The following SLC35F4 variants were observed in gnomAD, a reference collection of about 807,000 sequenced individuals.
SLC35F4 encodes the protein solute carrier family 35 member F4.
In SLC35F4, 24 loss-of-function variants were observed where a neutral mutation model predicts 44.2. That is an observed-to-expected ratio of 0.54 (90% CI 0.39 to 0.76). The LOEUF is 0.76. SLC35F4 is among the 30% of genes least tolerant of loss of function. The pLI, the probability that SLC35F4 is intolerant of heterozygous loss-of-function variation, is 0.00. For synonymous variants in SLC35F4, 238 were observed against 223.6 expected (o/e 1.06, Z -0.57); for missense variants, 562 against 586.1 (o/e 0.96, Z 0.42).
chr14:57,768,668 T>C (rs1341643616), intron 1 of SLC35F4, among the ~76,000 whole-genome samples: 1 of 152,190 alleles, frequency 6.6e-6, no homozygotes, highest in East Asian at 1.9e-4. Flanking sequence ...ACATAAATTA[T>C]ATATGGAATG....
At chr14:57,651,160 G>T (rs1594708782) in intron 1 of SLC35F4, among the ~76,000 whole-genome samples, 1 of 152,148 alleles carries the variant, frequency 6.6e-6, no homozygotes, top group Non-Finnish European at 1.5e-5. Flanking sequence ...TGTCAGTCTT[G>T]TTCACTACTA....
At chr14:57,728,852 T>G (rs1490262953) in intron 1 of SLC35F4, among the ~76,000 whole-genome samples, 1 of 152,218 alleles carries the variant, frequency 6.6e-6, no homozygotes, top group African/African-American at 2.4e-5. Flanking sequence ...AGGTCTGGTG[T>G]TGATAAAATC....
intron 1 of SLC35F4, among the ~76,000 whole-genome samples, chr14:57,916,498 C>T (rs1449162335): frequency 1.3e-5 from 2 of 152,130 alleles, no homozygotes; most frequent in South Asian, 2.1e-4. Context: ...TCTGAGCTTC[C>T]TGGATCTGTA....
intron 1 of SLC35F4, among the ~76,000 whole-genome samples, chr14:57,782,550 T>A (rs1295057178): frequency 6.6e-6 from 1 of 152,184 alleles, no homozygotes; most frequent in Non-Finnish European, 1.5e-5. Context: ...GTTAAGAGCA[T>A]GTAAATAAAG....
intron 1 of SLC35F4, among the ~76,000 whole-genome samples, chr14:57,802,989 A>T (rs1341598610): frequency 1.1e-5 from 1 of 90,804 alleles, no homozygotes. Context: ...AGATACCAAA[A>T]AAAAAAAAAA....
chr14:57,617,417 ACC>A (rs2071906654), intron 1 of SLC35F4, among the ~76,000 whole-genome samples: 1 of 152,068 alleles, frequency 6.6e-6, no homozygotes, highest in South Asian at 2.1e-4. Flanking sequence ...AGCATGAGCC[ACC>A]GCGCCTGGCC....
At chr14:57,925,763 C>T (rs1010231834) in intron 1 of SLC35F4, among the ~76,000 whole-genome samples, 1 of 151,800 alleles carries the variant, frequency 6.6e-6, no homozygotes, top group Non-Finnish European at 1.5e-5. Flanking sequence ...ACACTTACAT[C>T]CAAATTTAAA....
At chr14:57,606,052 A>C (rs1240298396) in intron 1 of SLC35F4, among the ~76,000 whole-genome samples, 1 of 152,084 alleles carries the variant, frequency 6.6e-6, no homozygotes, top group African/African-American at 2.4e-5. Context: ...TGTTCTTCAA[A>C]CCTCAGCATC....
At chr14:57,926,390 A>G (rs1889569288) in intron 1 of SLC35F4, among the ~76,000 whole-genome samples, 1 of 152,134 alleles carries the variant, frequency 6.6e-6, no homozygotes, top group Non-Finnish European at 1.5e-5. Context: ...TGTCACATGG[A>G]ACTTCTTTTT....
At chr14:57,774,800 C>T (rs2077448537) in intron 1 of SLC35F4, among the ~76,000 whole-genome samples, 1 of 152,238 alleles carries the variant, frequency 6.6e-6, no homozygotes, top group East Asian at 1.9e-4. Context: ...TGCCTGCAAG[C>T]ACTTGCCCAG....
intron 1 of SLC35F4, among the ~76,000 whole-genome samples, chr14:57,906,462 T>G (rs113957936): frequency 6.6e-6 from 1 of 152,246 alleles, no homozygotes; most frequent in African/African-American, 2.4e-5. Flanking sequence ...ATGACTTATT[T>G]AACCAGTGCC....
intron 1 of SLC35F4, among the ~76,000 whole-genome samples, chr14:57,967,305 C>T (rs539583714): frequency 6.6e-6 from 1 of 152,134 alleles, no homozygotes; most frequent in South Asian, 2.1e-4. Flanking sequence ...GCTGACAGCC[C>T]CTTTGACCAT....
chr14:57,691,371 A>T (rs1566767466), intron 1 of SLC35F4, among the ~76,000 whole-genome samples: 2 of 152,216 alleles, frequency 1.3e-5, no homozygotes, highest in Non-Finnish European at 2.9e-5. Flanking sequence ...CAAGGACAGA[A>T]GTTCAAGGGT....
intron 1 of SLC35F4, among the ~76,000 whole-genome samples, chr14:57,777,710 C>G (rs534154493): frequency 2.0e-5 from 3 of 152,150 alleles, no homozygotes; most frequent in South Asian, 4.1e-4. Flanking sequence ...AGCAAACCAA[C>G]ATGGCACATG....
At chr14:57,780,651 A>G (rs143478068) in intron 1 of SLC35F4, among the ~76,000 whole-genome samples, 5 of 152,168 alleles carry the variant, frequency 3.3e-5, no homozygotes, top group Non-Finnish European at 5.9e-5. Context: ...AAAAAGAACA[A>G]AACAAGAGCC....
At chr14:57,674,454 C>T (rs972801585) in intron 1 of SLC35F4, among the ~76,000 whole-genome samples, 2 of 152,142 alleles carry the variant, frequency 1.3e-5, no homozygotes, top group Non-Finnish European at 2.9e-5. Flanking sequence ...CAGCCAGAAA[C>T]TGGGCATTGC....
chr14:57,954,367 G>C (rs1252429075), intron 1 of SLC35F4, among the ~76,000 whole-genome samples: 1 of 152,076 alleles, frequency 6.6e-6, no homozygotes, highest in Non-Finnish European at 1.5e-5. Context: ...AAAAGAACTA[G>C]AGAAGCAAGA....
intron 1 of SLC35F4, among the ~76,000 whole-genome samples, chr14:57,620,202 A>T (rs1163270038): frequency 6.6e-6 from 1 of 152,154 alleles, no homozygotes; most frequent in East Asian, 1.9e-4. Context: ...CACCATAAAG[A>T]TACTCCTTGA....
At chr14:57,766,225 A>G (rs1417953806) in intron 1 of SLC35F4, among the ~76,000 whole-genome samples, 1 of 152,250 alleles carries the variant, frequency 6.6e-6, no homozygotes, top group East Asian at 1.9e-4. Flanking sequence ...CATTCAGGAT[A>G]GCCATGAATA....
Sources: gnomAD v4.1 joint callset for allele counts (sites outside exome capture counted in the v4.1 genomes callset) on GRCh38, gnomAD v4.1.1 for gene constraint, MANE v1.5 for transcripts, NCBI Gene and HGNC (gene_info 2026-07-23, HGNC 2026-07-21) for gene names.